The following LRRC4C variants were observed in gnomAD, a reference collection of about 807,000 sequenced individuals.
LRRC4C encodes the protein leucine-rich repeat-containing protein 4C.
Under a neutral mutation model 33.6 loss-of-function variants are expected in LRRC4C, and 5 were observed. The observed-to-expected ratio is 0.15, with a 90% CI of 0.08 to 0.31. LRRC4C has a LOEUF of 0.31. Among genes scored for constraint, LRRC4C ranks in the 10% least tolerant of loss-of-function variants. The probability of loss-of-function intolerance (pLI) is 1.00; values close to 1 mark genes in which losing one functional copy is unlikely to be tolerated. For synonymous variants in LRRC4C, 329 were observed against 302.0 expected, an observed-to-expected ratio of 1.09 and a Z score of -0.93; for missense variants, 560 against 796.7, an observed-to-expected ratio of 0.70 and a Z score of 3.58.
At chr11:40,754,047 C>A (rs1948822947) in intron 2 of LRRC4C, among the ~76,000 whole-genome samples, 1 of 151,574 alleles carries the variant, frequency 6.6e-6, no homozygotes, top group South Asian at 2.1e-4. Context: ...TTAAAAATAC[C>A]ACTGAATTAT....
At chr11:40,395,506 A>G (rs983914467) in intron 3 of LRRC4C, among the ~76,000 whole-genome samples, 2 of 152,214 alleles carry the variant, frequency 1.3e-5, no homozygotes, top group Non-Finnish European at 2.9e-5. Context: ...CATTCAGTGC[A>G]GCATTGTAGA....
At chr11:40,517,357 A>G (rs1483308691) in intron 3 of LRRC4C, among the ~76,000 whole-genome samples, 1 of 152,186 alleles carries the variant, frequency 6.6e-6, no homozygotes, top group Non-Finnish European at 1.5e-5. Context: ...GCATTGATCC[A>G]GGAAAACAGA....
intron 3 of LRRC4C, among the ~76,000 whole-genome samples, chr11:40,325,765 G>A (rs1363603816): frequency 1.3e-5 from 2 of 152,016 alleles, no homozygotes; most frequent in African/African-American, 2.4e-5. Context: ...ATCAGAAACT[G>A]TCATTTTCCA....
chr11:40,721,002 A>G (rs1400210615), intron 2 of LRRC4C, among the ~76,000 whole-genome samples: 2 of 152,214 alleles, frequency 1.3e-5, no homozygotes, highest in Non-Finnish European at 2.9e-5. Context: ...ATAGTCCTCT[A>G]GAACAGGAAT....
chr11:40,727,370 A>C (rs1373865880), intron 2 of LRRC4C, among the ~76,000 whole-genome samples: 1 of 152,230 alleles, frequency 6.6e-6, no homozygotes. Context: ...CATATGCAGA[A>C]GAATGAAAAA....
chr11:40,515,697 T>G (rs1459539906), intron 3 of LRRC4C, among the ~76,000 whole-genome samples: 1 of 152,070 alleles, frequency 6.6e-6, no homozygotes, highest in African/African-American at 2.4e-5. Flanking sequence ...ACTCCAATTT[T>G]GTGTAATAAC....
chr11:40,238,623 T>C (rs570904497), intron 5 of LRRC4C, among the ~76,000 whole-genome samples: 2 of 152,314 alleles, frequency 1.3e-5, no homozygotes, highest in East Asian at 1.9e-4. Flanking sequence ...AAAACACTTA[T>C]TTGAAAGAAA....
intron 1 of LRRC4C, among the ~76,000 whole-genome samples, chr11:41,442,985 A>G (rs1055608184): frequency 4.6e-5 from 7 of 152,112 alleles, no homozygotes; most frequent in South Asian, 2.1e-4. Context: ...TTCAGAAAGC[A>G]TAAGGGTATT....
chr11:40,240,158 G>C (rs375391695), intron 5 of LRRC4C, among the ~76,000 whole-genome samples: 14 of 151,744 alleles, frequency 9.2e-5, no homozygotes, highest in African/African-American at 3.4e-4. Flanking sequence ...TTTGCTTTTC[G>C]CACCCTGTCC....
chr11:41,310,133 C>A (rs1432817560), intron 1 of LRRC4C, among the ~76,000 whole-genome samples: 1 of 152,138 alleles, frequency 6.6e-6, no homozygotes, highest in African/African-American at 2.4e-5. Flanking sequence ...AGCAGAAAAT[C>A]CAAAGCAAGT....
chr11:40,362,193 A>C (rs1225661760), intron 3 of LRRC4C, among the ~76,000 whole-genome samples: 1 of 152,210 alleles, frequency 6.6e-6, no homozygotes, highest in Non-Finnish European at 1.5e-5. Flanking sequence ...CATTCAGGAC[A>C]CAGGCATGGG....
At chr11:40,745,307 T>C (rs1286113738) in intron 2 of LRRC4C, among the ~76,000 whole-genome samples, 1 of 152,066 alleles carries the variant, frequency 6.6e-6, no homozygotes, top group East Asian at 1.9e-4. Flanking sequence ...GACCTTCTTC[T>C]CCAAAAAAGG....
At chr11:41,000,852 T>C (rs1592303012) in intron 1 of LRRC4C, among the ~76,000 whole-genome samples, 1 of 152,160 alleles carries the variant, frequency 6.6e-6, no homozygotes, top group African/African-American at 2.4e-5. Flanking sequence ...TAAGTCGAAA[T>C]GTGCCAAAGT....
At chr11:40,715,253 G>C (rs1250182134) in intron 2 of LRRC4C, among the ~76,000 whole-genome samples, 1 of 152,224 alleles carries the variant, frequency 6.6e-6, no homozygotes, top group South Asian at 2.1e-4. Context: ...ATGTTAAATA[G>C]GTCCTTCACA....
chr11:41,241,111 C>A (rs557318144), intron 1 of LRRC4C, among the ~76,000 whole-genome samples: 2 of 152,132 alleles, frequency 1.3e-5, no homozygotes, highest in African/African-American at 4.8e-5. Context: ...GTGGTGAGAC[C>A]AACTACCTTA....
At chr11:40,355,608 G>T (rs1023670447) in intron 3 of LRRC4C, among the ~76,000 whole-genome samples, 2 of 152,078 alleles carry the variant, frequency 1.3e-5, no homozygotes, top group Non-Finnish European at 2.9e-5. Context: ...GGGCAGCACT[G>T]AGTTCCAATT....
rs560654117 is a variant in LRRC4C at position 40,364,593 on chromosome 11, C to T, written c.-269-44872G>A. On this transcript the variant is annotated intron_variant, in intron 3 of 6. Coordinates refer to ENST00000528697, the MANE Select transcript of LRRC4C (RefSeq NM_001258419.2). ...AAATTAGCAATGAGATGGCTTAAAGCGTCTCATATATATGTAAGGATGTCT... is the reference window on the plus strand; with the variant it reads ...AAATTAGCAATGAGATGGCTTAAAGTGTCTCATATATATGTAAGGATGTCT... 1.7e-3 allele frequency among the ~76,000 whole-genome samples: 260 copies of T among 152,068 alleles called. 2 individuals carry two copies. Among genetic ancestry groups the T allele is most frequent in the South Asian group, 2.9e-3 (14 of 4,820 alleles).
At chr11:40,129,015 T>A (rs2134773344) in intron 6 of LRRC4C, among the ~76,000 whole-genome samples, 1 of 152,290 alleles carries the variant, frequency 6.6e-6, no homozygotes, top group Admixed American at 6.5e-5. Flanking sequence ...GAAGGTTAAT[T>A]TCCATGGAGT....
intron 2 of LRRC4C, among the ~76,000 whole-genome samples, chr11:40,697,960 G>C (rs7942114): frequency 0.59 from 89,478 of 150,556 alleles, 26,836 homozygotes; most frequent in East Asian, 0.66. Flanking sequence ...CCCAGCTACA[G>C]GGGAGGCTGA....
Sources: gnomAD v4.1 joint callset for allele counts (sites outside exome capture counted in the v4.1 genomes callset) on GRCh38, gnomAD v4.1.1 for gene constraint, MANE v1.5 for transcripts, NCBI Gene and HGNC (gene_info 2026-07-23, HGNC 2026-07-21) for gene names.